The following DNM1L variants were observed in gnomAD, a reference collection of about 807,000 sequenced individuals.
DNM1L encodes the protein dynamin 1L.
A neutral mutation model predicts 92.8 loss-of-function variants in DNM1L; 33 were observed. That is an observed-to-expected ratio of 0.36 (90% CI 0.27 to 0.48). The LOEUF (loss-of-function observed/expected upper bound fraction) is 0.48, where lower values mean the gene tolerates loss of function less well. DNM1L is among the 20% of genes least tolerant of loss of function. The pLI is 0.99. For synonymous variants in DNM1L, 284 were observed against 305.0 expected (o/e 0.93, Z 0.72); for missense variants, 485 against 888.8 (o/e 0.55, Z 5.78).
intron 1 of DNM1L, 50 bp downstream of exon 1, chr12:32,679,515 T>C (rs887498165): frequency 6.5e-7 from 1 of 1,546,450 alleles, no homozygotes; most frequent in African/African-American, 1.4e-5. Flanking sequence ...GCCGCAGGCC[T>C]GGTCGGTGCT....
chr12:32,688,945 C>T (rs1007037225), intron 1 of DNM1L, among the ~76,000 whole-genome samples: 59 of 152,104 alleles, frequency 3.9e-4, no homozygotes, highest in African/African-American at 1.3e-3. Context: ...TGCCTGTAGT[C>T]CCTTTTACTT....
At chr12:32,714,032 CATAGT>C (rs1366871591) in intron 6 of DNM1L, among the ~76,000 whole-genome samples, 1 of 152,086 alleles carries the variant, frequency 6.6e-6, no homozygotes, top group Admixed American at 6.6e-5. Context: ...GTGCACATCT[CATAGT>C]ATATATAAAA....
At chr12:32,686,937 C>CT (rs71447614) in intron 1 of DNM1L, among the ~76,000 whole-genome samples, 21,364 of 95,548 alleles carry the variant, frequency 0.22, 2,835 homozygotes, top group African/African-American at 0.39. Context: ...TCTTTTTTTT[C>CT]TTTTTTTTTT....
chr12:32,703,763 C>A (rs1326399951), intron 2 of DNM1L, among the ~76,000 whole-genome samples: 1 of 151,972 alleles, frequency 6.6e-6, no homozygotes, highest in Non-Finnish European at 1.5e-5. Context: ...GAAGTATAAT[C>A]CATCTTAGAT....
chr12:32,739,367 A>C (rs965646815), intron 16 of DNM1L, among the ~76,000 whole-genome samples: 6 of 152,352 alleles, frequency 3.9e-5, no homozygotes, highest in African/African-American at 1.4e-4. Flanking sequence ...CATTTTCTAG[A>C]AAACAAGGTA....
chr12:32,694,676 A>G (rs183698667), intron 1 of DNM1L, among the ~76,000 whole-genome samples: 53 of 152,332 alleles, frequency 3.5e-4, no homozygotes, highest in African/African-American at 1.3e-3. Context: ...CAAATAGGAT[A>G]GGAAAACCAA....
Position 32,731,522 on chromosome 12 carries a change from G to T in DNM1L, c.1356+11G>T, listed in dbSNP as rs375322028. Reference sequence around the variant, plus strand: ...AATTACAGTACACAGGTAACGGAGAGAAATGTAACAGGTTTCACATGAACT... The same window carrying T: ...AATTACAGTACACAGGTAACGGAGATAAATGTAACAGGTTTCACATGAACT... On this transcript the variant is annotated intron_variant, in intron 11 of 19. Coordinates refer to ENST00000549701, the MANE Select transcript of DNM1L (RefSeq NM_012062.5). The surrounding 1 kb of genome is among the most constrained non-coding windows in gnomAD (Gnocchi z 5.1). The T allele has an allele frequency of 5.6e-6, 9 of 1,613,720 alleles. No individual in the cohort carries two copies. The African/African-American group carries it at 1.2e-4, about 22-fold the overall frequency.
chr12:32,724,035 A>G (rs1046357333), intron 9 of DNM1L, among the ~76,000 whole-genome samples: 1 of 152,200 alleles, frequency 6.6e-6, no homozygotes, highest in Non-Finnish European at 1.5e-5. Flanking sequence ...TGACAATCCA[A>G]TAGTCCACCC....
At chr12:32,718,013 G>GTATATATAC (rs1953607907) in intron 6 of DNM1L, among the ~76,000 whole-genome samples, 2 of 112,962 alleles carry the variant, frequency 1.8e-5, no homozygotes. Flanking sequence ...AATATATATA[G>GTATATATAC]TATATATATT....
chr12:32,718,266 C>T (rs573669055), intron 6 of DNM1L, among the ~76,000 whole-genome samples: 3 of 150,926 alleles, frequency 2.0e-5, no homozygotes, highest in Non-Finnish European at 4.4e-5. Flanking sequence ...TTCAGCCTCC[C>T]GAGCAGCTGG....
At chr12:32,705,676 A>T in intron 2 of DNM1L, 4 of 694,644 alleles carry the variant, frequency 5.8e-6, no homozygotes, top group African/African-American at 1.8e-5. Context: ...TTAGCCACTA[A>T]CTTTACTTTC....
chr12:32,688,770 T>C (rs1952120354), intron 1 of DNM1L, among the ~76,000 whole-genome samples: 1 of 152,240 alleles, frequency 6.6e-6, no homozygotes, highest in Non-Finnish European at 1.5e-5. Context: ...TTATCAGATA[T>C]CTGAATCTCT....
chr12:32,724,589 AAAAAATATATAT>A (rs1299895997), intron 9 of DNM1L, among the ~76,000 whole-genome samples: 3,272 of 80,776 alleles, frequency 0.041, 60 homozygotes, highest in East Asian at 0.067. Context: ...AAAAAAAAAA[AAAAAATATATAT>A]ATATATATAT....
At chr12:32,685,217 G>A (rs576328941) in intron 1 of DNM1L, among the ~76,000 whole-genome samples, 11 of 152,176 alleles carry the variant, frequency 7.2e-5, no homozygotes, top group African/African-American at 2.4e-4. Flanking sequence ...GATTACAGGC[G>A]TGAGCCACCG....
rs1406245840 is a variant in DNM1L, at chr12:32,701,445, C to T, written c.133C>T (p.Leu45=). ...CGGAAAGAGCTCAGTGCTAGAAAGC[C>T]TGGTGGGGAGGGACCTGCTTCCCAG... ...SSGKSSVLES[L]VGRDLLPRGT... Residue 45 remains leucine, a synonymous_variant, in exon 2 of 20, where the codon CTG becomes TTG. Coordinates refer to ENST00000549701, the MANE Select transcript of DNM1L (RefSeq NM_012062.5). 6 of 1,613,840 alleles carry T rather than the reference C, an allele frequency of 3.7e-6. No individual in the cohort carries two copies. The highest frequency in any genetic ancestry group is 1.3e-5 in the African/African-American group (1 of 74,876).
chr12:32,716,425 G>C (rs1042716998), intron 6 of DNM1L, among the ~76,000 whole-genome samples: 4 of 152,010 alleles, frequency 2.6e-5, no homozygotes, highest in African/African-American at 9.7e-5. Context: ...GCCTTGACCT[G>C]GGCTCAGGTG....
intron 2 of DNM1L, among the ~76,000 whole-genome samples, chr12:32,702,233 C>CAAAAAA (rs1179046487): frequency 2.3e-4 from 19 of 81,314 alleles, no homozygotes; most frequent in African/African-American, 5.4e-4. Context: ...GACTCCGTCT[C>CAAAAAA]AAAAAAAAAA....
chr12:32,728,366 G>A (rs1466725023), intron 9 of DNM1L: 1 of 152,198 alleles, frequency 6.6e-6, no homozygotes, highest in Non-Finnish European at 1.5e-5. Context: ...CCACAAATGG[G>A]CCTTTGAAGA....
chr12:32,717,389 TA>T (rs1221537389), intron 6 of DNM1L, among the ~76,000 whole-genome samples: 8 of 67,620 alleles, frequency 1.2e-4, no homozygotes, highest in Non-Finnish European at 1.9e-4. Context: ...ATATAATATA[TA>T]GTATATATAA....
Sources: gnomAD v4.1 joint callset for allele counts (sites outside exome capture counted in the v4.1 genomes callset) on GRCh38, gnomAD v4.1.1 for gene constraint, Gnocchi (gnomAD v3.1) non-coding constraint, MANE v1.5 for transcripts, NCBI Gene and HGNC (gene_info 2026-07-23, HGNC 2026-07-21) for gene names.